Variants in SNTG1 observed in about 807,000 individuals in gnomAD.
SNTG1 encodes the protein gamma-1-syntrophin.
In SNTG1, 39 loss-of-function variants were observed where a neutral mutation model predicts 74.7. That is an observed-to-expected ratio of 0.52 (90% CI 0.40 to 0.68). SNTG1 has a LOEUF of 0.68. SNTG1 is among the 30% of genes least tolerant of loss of function. The pLI is 0.00. For missense variants in SNTG1, 685 were observed against 609.5 expected (o/e 1.12, Z -1.30); for synonymous variants, 254 against 217.1 (o/e 1.17, Z -1.49).
At chr8:50,204,867 G>C (rs1323785755) in intron 2 of SNTG1, among the ~76,000 whole-genome samples, 1 of 152,088 alleles carries the variant, frequency 6.6e-6, no homozygotes, top group Admixed American at 6.6e-5. Context: ...ATGGTTCCCA[G>C]CTTCATCCAT....
Position 50,755,051 on chromosome 8 carries a change from C to A in SNTG1, c.1395+2940C>A, listed in dbSNP as rs968266092. 2.6e-5 allele frequency among the ~76,000 whole-genome samples: 4 copies of A among 151,880 alleles called. No homozygotes were observed. In the East Asian group the frequency reaches 7.8e-4, roughly 30 times the overall value. ...ACACAAGCACAGCCCCCTCTGTAGT[C>A]AACATCCCCCACCAGAGGGGGGGAT... is the stretch of plus-strand genomic sequence containing the variant. On this transcript the variant is annotated intron_variant, in intron 18 of 18. Coordinates refer to ENST00000642720, the MANE Select transcript of SNTG1 (RefSeq NM_018967.5).
chr8:49,987,854 T>A (rs1264228112), intron 1 of SNTG1, among the ~76,000 whole-genome samples: 1 of 152,160 alleles, frequency 6.6e-6, no homozygotes, highest in South Asian at 2.1e-4. Flanking sequence ...TTCACCGTGT[T>A]AGCCAGGATG....
At chr8:50,787,810 C>CA (rs1411280476) in intron 18 of SNTG1, among the ~76,000 whole-genome samples, 45 of 151,606 alleles carry the variant, frequency 3.0e-4, no homozygotes, top group Admixed American at 2.6e-4. Flanking sequence ...CATAGAAAGA[C>CA]AAAAAAATAA....
At chr8:49,995,417 A>C (rs909136709) in intron 1 of SNTG1, among the ~76,000 whole-genome samples, 6 of 152,194 alleles carry the variant, frequency 3.9e-5, no homozygotes, top group Non-Finnish European at 5.9e-5. Context: ...ATTCTTGTCT[A>C]CTGAGAACTG....
chr8:50,329,543 A>C (rs1031518950), intron 2 of SNTG1, among the ~76,000 whole-genome samples: 2 of 152,118 alleles, frequency 1.3e-5, no homozygotes, highest in Non-Finnish European at 2.9e-5. Context: ...CAACAGCCCA[A>C]GTTGTACCCT....
chr8:50,762,126 G>A (rs72645840), intron 18 of SNTG1, among the ~76,000 whole-genome samples: 14,737 of 151,758 alleles, frequency 0.097, 781 homozygotes, highest in Middle Eastern at 0.14. Flanking sequence ...AATTTCCCCC[G>A]TATTTAAATA....
intron 2 of SNTG1, among the ~76,000 whole-genome samples, chr8:50,241,488 C>G (rs1180073806): frequency 6.6e-6 from 1 of 152,106 alleles, no homozygotes. Flanking sequence ...AAAGATGAAG[C>G]TATGCAATAT....
At chr8:50,421,992 C>T (rs1215355468) in intron 4 of SNTG1, among the ~76,000 whole-genome samples, 1 of 152,056 alleles carries the variant, frequency 6.6e-6, no homozygotes, top group African/African-American at 2.4e-5. Context: ...TTGTGCAGAC[C>T]AAGCCTCTAT....
chr8:50,554,556 G>A (rs925628547), intron 12 of SNTG1, among the ~76,000 whole-genome samples: 7 of 151,574 alleles, frequency 4.6e-5, no homozygotes, highest in Admixed American at 3.3e-4. Flanking sequence ...CAACAAGGAG[G>A]CTAAACATGG....
intron 1 of SNTG1, among the ~76,000 whole-genome samples, chr8:50,003,747 G>A (rs1040273757): frequency 1.3e-5 from 2 of 152,072 alleles, no homozygotes; most frequent in Non-Finnish European, 2.9e-5. Context: ...ATGTGTTAAT[G>A]CCTCTAGGGG....
chr8:50,175,759 G>T (rs905359878), intron 2 of SNTG1, among the ~76,000 whole-genome samples: 3 of 152,262 alleles, frequency 2.0e-5, no homozygotes, highest in African/African-American at 7.2e-5. Context: ...TCATCCTCAA[G>T]CCACCTTCTT....
At chr8:50,186,530 C>A (rs1343023497) in intron 2 of SNTG1, among the ~76,000 whole-genome samples, 1 of 152,088 alleles carries the variant, frequency 6.6e-6, no homozygotes, top group Non-Finnish European at 1.5e-5. Context: ...GCCTCGACAG[C>A]AAATATTGTT....
At chr8:50,397,877 A>G (rs555175072) in intron 3 of SNTG1, among the ~76,000 whole-genome samples, 2 of 152,316 alleles carry the variant, frequency 1.3e-5, no homozygotes, top group East Asian at 3.9e-4. Flanking sequence ...GTAAAGGCAG[A>G]TGGTTGCGTT....
chr8:50,433,010 G>A (rs898248416), intron 4 of SNTG1, among the ~76,000 whole-genome samples: 11 of 152,044 alleles, frequency 7.2e-5, no homozygotes, highest in Admixed American at 2.0e-4. Context: ...GGCTGGTCTC[G>A]AACTCCTGAC....
chr8:50,345,911 T>C (rs1211768403), intron 2 of SNTG1, among the ~76,000 whole-genome samples: 1 of 152,254 alleles, frequency 6.6e-6, no homozygotes, highest in Non-Finnish European at 1.5e-5. Flanking sequence ...CCATCCTTGC[T>C]TTAGTTTGAC....
At chr8:50,541,990 G>A (rs191791254) in intron 11 of SNTG1, among the ~76,000 whole-genome samples, 50 of 149,394 alleles carry the variant, frequency 3.3e-4, no homozygotes, top group African/African-American at 1.2e-3. Context: ...TGCTGCAAAT[G>A]ACAGAATTTC....
At chr8:50,116,134 T>A (rs1158967877) in intron 1 of SNTG1, among the ~76,000 whole-genome samples, 1 of 152,138 alleles carries the variant, frequency 6.6e-6, no homozygotes, top group Non-Finnish European at 1.5e-5. Flanking sequence ...CCAGGTTACA[T>A]AAAAGAAAAT....
At chr8:50,777,864 G>A (rs542271624) in intron 18 of SNTG1, among the ~76,000 whole-genome samples, 14 of 151,510 alleles carry the variant, frequency 9.2e-5, no homozygotes, top group East Asian at 5.9e-4. Context: ...CCCCCCACCC[G>A]ACAACAGTCC....
At chr8:50,297,251 T>A (rs796372201) in intron 2 of SNTG1, among the ~76,000 whole-genome samples, 8 of 152,258 alleles carry the variant, frequency 5.3e-5, no homozygotes, top group African/African-American at 1.9e-4. Flanking sequence ...ATCCCAAATA[T>A]GTTATGATTT....
Sources: allele counts gnomAD v4.1 joint callset (sites outside exome capture counted in the v4.1 genomes callset), GRCh38; gene constraint gnomAD v4.1.1; transcripts MANE v1.5; gene names NCBI Gene and HGNC (gene_info 2026-07-23, HGNC 2026-07-21).